The following SYNDIG1 variants were observed in gnomAD, a reference collection of about 807,000 sequenced individuals.
SYNDIG1 encodes synapse differentiation inducing 1.
A neutral mutation model predicts 19.4 loss-of-function variants in SYNDIG1; 9 were observed. That is an observed-to-expected ratio of 0.46 (90% CI 0.28 to 0.81). SYNDIG1 has a LOEUF of 0.81. Ranked by LOEUF, SYNDIG1 falls within the 30% of genes least tolerant of loss-of-function variation. SYNDIG1 has a pLI of 0.12. For missense variants in SYNDIG1, 311 were observed against 343.3 expected (o/e 0.91, Z 0.74); for synonymous variants, 141 against 145.9 (o/e 0.97, Z 0.24).
Position 24,613,552 on chromosome 20 carries a change from T to C in SYNDIG1, c.618+28559T>C, listed in dbSNP as rs117160041. Among the ~76,000 whole-genome samples, 50 of 152,092 alleles carry C rather than the reference T, an allele frequency of 3.3e-4. No individual in the cohort carries two copies. The East Asian group carries it at 9.1e-3, about 28-fold the overall frequency. On this transcript the variant is annotated intron_variant, in intron 3 of 3. Transcript: ENST00000376862. ...GACCCCAAGCCTCCTGTGTCCCCCATTGCGGGTCCCAAAGCCACCCGCACC... is the reference window on the plus strand; with the variant it reads ...GACCCCAAGCCTCCTGTGTCCCCCACTGCGGGTCCCAAAGCCACCCGCACC...
rs552814401 is a variant in SYNDIG1 at position 24,554,214 on chromosome 20, A to G, written c.480+10637A>G. Among the ~76,000 whole-genome samples, 7 of 152,286 alleles carry G rather than the reference A, an allele frequency of 4.6e-5. No homozygotes were observed. In the East Asian group the frequency reaches 9.6e-4, roughly 21 times the overall value. ...CTTAAGGAGATTTTGGGCTGAGACA[A>G]TGGGGTTTTCTAGATATACAATCAT... is the stretch of plus-strand genomic sequence containing the variant. On this transcript the variant is annotated intron_variant, in intron 2 of 3. Transcript: ENST00000376862.
intron 1 of SYNDIG1, among the ~76,000 whole-genome samples, chr20:24,489,376 CAT>C (rs1485147605): frequency 1.9e-4 from 29 of 151,354 alleles, no homozygotes; most frequent in East Asian, 3.9e-4. Flanking sequence ...CACACACAGA[CAT>C]GTGGACACAG....
At chr20:24,610,074 C>A (rs768277163) in intron 3 of SYNDIG1, among the ~76,000 whole-genome samples, 1 of 152,086 alleles carries the variant, frequency 6.6e-6, no homozygotes, top group African/African-American at 2.4e-5. Flanking sequence ...ATAGAAAACA[C>A]GAAGAGCAGG....
intron 3 of SYNDIG1, among the ~76,000 whole-genome samples, chr20:24,608,824 A>G (rs1186385222): frequency 6.6e-6 from 1 of 152,224 alleles, no homozygotes; most frequent in Non-Finnish European, 1.5e-5. Context: ...ATATAAGCTC[A>G]GTTCTCTTGA....
intron 1 of SYNDIG1, among the ~76,000 whole-genome samples, chr20:24,523,777 G>C (rs1317105199): frequency 6.6e-6 from 1 of 152,174 alleles, no homozygotes; most frequent in East Asian, 1.9e-4. Context: ...AGAAACCTGT[G>C]CCTTCCTCAC....
At chr20:24,491,643 C>A (rs375275581) in intron 1 of SYNDIG1, 31 of 152,258 alleles carry the variant, frequency 2.0e-4, no homozygotes, top group African/African-American at 7.2e-4. Context: ...CAGGTGCAGA[C>A]CCAACACTGA....
chr20:24,489,997 A>T (rs1413612958), intron 1 of SYNDIG1, among the ~76,000 whole-genome samples: 1 of 152,192 alleles, frequency 6.6e-6, no homozygotes, highest in Non-Finnish European at 1.5e-5. Context: ...CCCGAGCTGA[A>T]TCCACCACAT....
intron 1 of SYNDIG1, among the ~76,000 whole-genome samples, chr20:24,500,483 T>TTTCTTTCTTTCTTTCTTTCTTTCTTTCG (rs2056416550): frequency 4.4e-5 from 1 of 22,666 alleles, no homozygotes; most frequent in Non-Finnish European, 1.3e-4. Context: ...CTTTTCTTTC[T>TTTCTTTCTTTCTTTCTTTCTTTCTTTCG]TTCTTTCTTT....
At chr20:24,570,177 A>G (rs1358511285) in intron 2 of SYNDIG1, among the ~76,000 whole-genome samples, 2 of 152,230 alleles carry the variant, frequency 1.3e-5, no homozygotes, top group African/African-American at 4.8e-5. Context: ...TCACATTTAA[A>G]CGTAAAGTGC....
At chr20:24,579,630 C>A (rs1013857794) in intron 2 of SYNDIG1, among the ~76,000 whole-genome samples, 37 of 152,208 alleles carry the variant, frequency 2.4e-4, no homozygotes, top group African/African-American at 7.7e-4. Flanking sequence ...CATGTGGTGT[C>A]ACTGAGGGAC....
intron 2 of SYNDIG1, among the ~76,000 whole-genome samples, chr20:24,563,140 G>A (rs1172655759): frequency 2.0e-5 from 3 of 152,148 alleles, no homozygotes; most frequent in Non-Finnish European, 4.4e-5. Context: ...CCTTCAGAAT[G>A]CCCTATAATG....
intron 2 of SYNDIG1, among the ~76,000 whole-genome samples, chr20:24,546,769 A>G (rs1034905572): frequency 2.0e-5 from 3 of 152,156 alleles, no homozygotes; most frequent in Non-Finnish European, 2.9e-5. Context: ...GCCAAAAACC[A>G]TAGACTTTTG....
intron 1 of SYNDIG1, among the ~76,000 whole-genome samples, chr20:24,531,779 G>A (rs1000133637): frequency 6.6e-6 from 1 of 152,242 alleles, no homozygotes; most frequent in Non-Finnish European, 1.5e-5. Context: ...CTACGTGCAG[G>A]TGGAGCATGA....
At chr20:24,643,839 G>A (rs1057440485) in intron 3 of SYNDIG1, among the ~76,000 whole-genome samples, 1 of 152,192 alleles carries the variant, frequency 6.6e-6, no homozygotes, top group African/African-American at 2.4e-5. Flanking sequence ...CAGCTTTGTG[G>A]AAAGAGCCTT....
intron 3 of SYNDIG1, among the ~76,000 whole-genome samples, chr20:24,664,310 C>T (rs76418820): frequency 0.023 from 3,566 of 152,118 alleles, 108 homozygotes; most frequent in African/African-American, 0.072. Flanking sequence ...AATGACATGC[C>T]GACTCCCATA....
intron 2 of SYNDIG1, among the ~76,000 whole-genome samples, chr20:24,553,988 A>G (rs1051398718): frequency 3.3e-5 from 5 of 152,088 alleles, no homozygotes; most frequent in Non-Finnish European, 5.9e-5. Context: ...ATTTCATTGA[A>G]CAGTGGTTTG....
At chr20:24,654,957 A>C (rs2059510299) in intron 3 of SYNDIG1, among the ~76,000 whole-genome samples, 2 of 152,224 alleles carry the variant, frequency 1.3e-5, no homozygotes, top group African/African-American at 4.8e-5. Context: ...ATGGCAATAG[A>C]ATATGGCCAT....
intron 3 of SYNDIG1, among the ~76,000 whole-genome samples, chr20:24,647,048 G>T (rs760071320): frequency 1.3e-5 from 2 of 152,160 alleles, no homozygotes; most frequent in South Asian, 2.1e-4. Context: ...CGACCCTCAC[G>T]TAGTCTTTTG....
chr20:24,552,607 A>G (rs1448387998), intron 2 of SYNDIG1, among the ~76,000 whole-genome samples: 7 of 152,012 alleles, frequency 4.6e-5, no homozygotes, highest in African/African-American at 9.7e-5. Flanking sequence ...ATGATTTCCA[A>G]TTTCATCCAT....
Sources: allele counts gnomAD v4.1 joint callset (sites outside exome capture counted in the v4.1 genomes callset), GRCh38; gene constraint gnomAD v4.1.1; transcripts MANE v1.5; gene names NCBI Gene and HGNC (gene_info 2026-07-23, HGNC 2026-07-21).